Variants in IMMP2L observed in about 807,000 individuals in gnomAD.
The protein encoded by IMMP2L is inner mitochondrial membrane peptidase subunit 2, also known as mitochondrial inner membrane protease subunit 2.
In IMMP2L, 18 loss-of-function variants were observed where a neutral mutation model predicts 19.3. The observed-to-expected ratio is 0.93, with a 90% CI of 0.64 to 1.38. The LOEUF (loss-of-function observed/expected upper bound fraction) is 1.38, where lower values mean the gene tolerates loss of function less well. IMMP2L is among the 40% of genes most tolerant of loss of function. The probability of loss-of-function intolerance (pLI) is 0.00; values close to 1 mark genes in which losing one functional copy is unlikely to be tolerated. For synonymous variants in IMMP2L, 76 were observed against 73.0 expected, an observed-to-expected ratio of 1.04 and a Z score of -0.21; for missense variants, 233 against 218.2, an observed-to-expected ratio of 1.07 and a Z score of -0.43.
At chr7:110,671,067 A>G (rs1791886691) in intron 5 of IMMP2L, among the ~76,000 whole-genome samples, 1 of 152,216 alleles carries the variant, frequency 6.6e-6, no homozygotes, top group Non-Finnish European at 1.5e-5. Context: ...GAACCCTGCA[A>G]CCTTGAGCAG....
chr7:111,444,995 T>C (rs1245846897), intron 3 of IMMP2L, among the ~76,000 whole-genome samples: 1 of 152,126 alleles, frequency 6.6e-6, no homozygotes, highest in Non-Finnish European at 1.5e-5. Context: ...TATAGTCTAA[T>C]GTTGAGCCTT....
chr7:110,743,696 C>A (rs1182341217), intron 5 of IMMP2L, among the ~76,000 whole-genome samples: 5 of 152,190 alleles, frequency 3.3e-5, no homozygotes, highest in African/African-American at 9.7e-5. Flanking sequence ...TCGGGGAACT[C>A]CCTCTCCCAG....
chr7:111,521,727 G>T (rs1254644730), intron 1 of IMMP2L, among the ~76,000 whole-genome samples: 1 of 152,074 alleles, frequency 6.6e-6, no homozygotes, highest in Non-Finnish European at 1.5e-5. Flanking sequence ...AAAAAAACAA[G>T]CATTCCAGAA....
rs1221621737 is a variant in IMMP2L, at chr7:111,173,033, A to G, written c.240-209468T>C. 2.0e-5 allele frequency among the ~76,000 whole-genome samples: 3 copies of G among 151,588 alleles called. No homozygotes were observed. The East Asian group carries it at 5.8e-4, about 29-fold the overall frequency. On this transcript the variant is annotated intron_variant, in intron 3 of 5. Coordinates refer to ENST00000405709, the MANE Select transcript of IMMP2L (RefSeq NM_032549.4). ...CACATGCTATAGACAAATGAACAAT[A>G]CATGAAGTCAGTAAGAATTCCAGCA...
intron 5 of IMMP2L, among the ~76,000 whole-genome samples, chr7:110,689,076 A>G (rs1005226531): frequency 4.0e-5 from 6 of 151,244 alleles, no homozygotes; most frequent in Non-Finnish European, 5.9e-5. Context: ...TAGAAATGCA[A>G]ATTTGTGGGT....
chr7:111,537,429 C>T (rs139603686), intron 1 of IMMP2L, among the ~76,000 whole-genome samples: 352 of 151,642 alleles, frequency 2.3e-3, no homozygotes, highest in African/African-American at 8.1e-3. Context: ...TACTTTAAAT[C>T]GTTCAATAAC....
At chr7:111,494,777 G>A (rs1843436849) in intron 2 of IMMP2L, among the ~76,000 whole-genome samples, 1 of 151,708 alleles carries the variant, frequency 6.6e-6, no homozygotes, top group East Asian at 1.9e-4. Context: ...GGACACTAAT[G>A]ATGATGGCAA....
At chr7:111,411,753 A>G (rs61754901) in intron 3 of IMMP2L, 3,249 of 198,300 alleles carry the variant, frequency 0.016, 201 homozygotes, top group African/African-American at 0.072. Context: ...CTCTCTCTCT[A>G]CAAGGAGGAG....
At chr7:110,963,020 A>C (rs778393159) in intron 4 of IMMP2L, 1 of 1,516,320 alleles carries the variant, frequency 6.6e-7, no homozygotes, top group South Asian at 1.3e-5. Context: ...CAATCTTATC[A>C]TCTAAAGCTT....
At chr7:111,139,662 A>C (rs1346930323) in intron 3 of IMMP2L, among the ~76,000 whole-genome samples, 1 of 152,140 alleles carries the variant, frequency 6.6e-6, no homozygotes, top group African/African-American at 2.4e-5. Flanking sequence ...TTCTTTTTGT[A>C]ACAGAAGACA....
rs188253592 is a variant in IMMP2L at position 111,000,707 on chromosome 7, G to A, written c.240-37142C>T. On this transcript the variant is annotated intron_variant, in intron 3 of 5. Coordinates refer to ENST00000405709, the MANE Select transcript of IMMP2L (RefSeq NM_032549.4). ...AAAACTACAAAAAGTATTCTGGCGT[G>A]GTGGTGGATGCCTGTAATCCCAGCT... 5.9e-5 allele frequency among the ~76,000 whole-genome samples: 9 copies of A among 152,084 alleles called. No homozygotes were observed. The East Asian group carries it at 1.5e-3, about 26-fold the overall frequency.
intron 3 of IMMP2L, among the ~76,000 whole-genome samples, chr7:110,972,192 G>A (rs1362092609): frequency 6.6e-6 from 1 of 151,588 alleles, no homozygotes; most frequent in Non-Finnish European, 1.5e-5. Flanking sequence ...CATGATGCTT[G>A]GGATTTTAAA....
chr7:111,530,462 T>A (rs1847284312), intron 1 of IMMP2L, among the ~76,000 whole-genome samples: 1 of 152,188 alleles, frequency 6.6e-6, no homozygotes, highest in South Asian at 2.1e-4. Context: ...CATGCTGTTC[T>A]AAGATTTGAC....
intron 3 of IMMP2L, among the ~76,000 whole-genome samples, chr7:111,146,210 T>C (rs951940909): frequency 1.6e-5 from 2 of 125,264 alleles, no homozygotes; most frequent in East Asian, 2.3e-4. Flanking sequence ...CAATATAACA[T>C]GGTTTTTTAT....
intron 3 of IMMP2L, among the ~76,000 whole-genome samples, chr7:111,152,125 G>T (rs1469285976): frequency 6.6e-6 from 1 of 152,098 alleles, no homozygotes; most frequent in Non-Finnish European, 1.5e-5. Context: ...GAGAAAATCG[G>T]TGAGGTTATT....
Position 110,924,223 on chromosome 7 carries a change from T to C in IMMP2L, c.306-37528A>G, listed in dbSNP as rs1437499785. Reference sequence around the variant, plus strand: ...ATAAGAACATAGACAGCACTGTTTCTCCCCAGTGTGTCTTTAATTTCCTTT... The same window carrying C: ...ATAAGAACATAGACAGCACTGTTTCCCCCCAGTGTGTCTTTAATTTCCTTT... On this transcript the variant is annotated intron_variant, in intron 4 of 5. Coordinates refer to ENST00000405709, the MANE Select transcript of IMMP2L (RefSeq NM_032549.4). This position sits in a 1 kb window ranked among gnomAD's most constrained non-coding sequence, Gnocchi z 4.2. 6.6e-6 allele frequency among the ~76,000 whole-genome samples: 1 copy of C among 152,188 alleles called. No homozygotes were observed. Among genetic ancestry groups the C allele is most frequent in the African/African-American group, 2.4e-5 (1 of 41,436 alleles).
chr7:111,221,259 C>T (rs948677629), intron 3 of IMMP2L, among the ~76,000 whole-genome samples: 17 of 152,000 alleles, frequency 1.1e-4, no homozygotes, highest in East Asian at 5.8e-4. Context: ...ATATCTATTC[C>T]GCTGCTTCTC....
chr7:111,030,866 G>T (rs149919500), intron 3 of IMMP2L, among the ~76,000 whole-genome samples: 1,253 of 63,662 alleles, frequency 0.02, 16 homozygotes, highest in African/African-American at 0.049. Flanking sequence ...ATATGTGTGT[G>T]TATGTGTGTG....
chr7:111,449,238 C>T (rs1177003757), intron 3 of IMMP2L, among the ~76,000 whole-genome samples: 3 of 142,994 alleles, frequency 2.1e-5, no homozygotes, highest in African/African-American at 5.4e-5. Flanking sequence ...ATACCAAAGC[C>T]GGGCAGAGAC....
Sources: allele counts gnomAD v4.1 joint callset (sites outside exome capture counted in the v4.1 genomes callset), GRCh38; gene constraint gnomAD v4.1.1; non-coding constraint Gnocchi (gnomAD v3.1); transcripts MANE v1.5; gene names NCBI Gene and HGNC (gene_info 2026-07-23, HGNC 2026-07-21).